The following SNRPN variants were observed in gnomAD, a reference collection of about 807,000 sequenced individuals.
SNRPN encodes the protein small nuclear ribonucleoprotein-associated protein N.
SNRPN carries 7 observed loss-of-function variants against 25.2 expected under a neutral mutation model. The observed-to-expected ratio is 0.28, with a 90% CI of 0.16 to 0.52. The LOEUF (loss-of-function observed/expected upper bound fraction) is 0.52. Among genes scored for constraint, SNRPN ranks in the 20% least tolerant of loss-of-function variants. SNRPN has a pLI of 0.96. For synonymous variants in SNRPN, 124 were observed against 110.6 expected, an observed-to-expected ratio of 1.12 and a Z score of -0.76; for missense variants, 196 against 322.5, an observed-to-expected ratio of 0.61 and a Z score of 3.00.
intron 3 of SNRPN, among the ~76,000 whole-genome samples, chr15:24,923,849 A>C (rs1046468714): frequency 6.9e-6 from 1 of 143,966 alleles, no homozygotes; most frequent in African/African-American, 2.6e-5. Flanking sequence ...CACTGTGATA[A>C]ATTTAGGATT....
intron 2 of SNRPN, among the ~76,000 whole-genome samples, chr15:24,840,905 G>A (rs1258160363): frequency 2.0e-5 from 3 of 152,050 alleles, no homozygotes; most frequent in Non-Finnish European, 4.4e-5. Context: ...GACCTGGTGC[G>A]ATCTTGGCTC....
At chr15:24,922,919 G>GTTTTTTTT (rs2060118953) in intron 3 of SNRPN, among the ~76,000 whole-genome samples, 4 of 111,606 alleles carry the variant, frequency 3.6e-5, no homozygotes, top group Admixed American at 1.2e-4. Context: ...TTTTTTTTGG[G>GTTTTTTTT]AAGACAGAGT....
At chr15:24,852,962 CAG>C (rs747425997), upstream of SNRPN, among the ~76,000 whole-genome samples, 17 of 152,076 alleles carry the variant, frequency 1.1e-4, no homozygotes, top group African/African-American at 2.4e-4. Context: ...GAAAAAATAA[CAG>C]AGAAAAATAA....
At chr15:24,907,197 G>A (rs1193415219) in intron 2 of SNRPN, among the ~76,000 whole-genome samples, 2 of 152,086 alleles carry the variant, frequency 1.3e-5, no homozygotes, top group Non-Finnish European at 2.9e-5. Flanking sequence ...TAAAAGATTC[G>A]CAGCCCAGGA....
At chr15:24,903,649 G>C (rs72693690) in intron 2 of SNRPN, among the ~76,000 whole-genome samples, 1 of 152,094 alleles carries the variant, frequency 6.6e-6, no homozygotes, top group Non-Finnish European at 1.5e-5. Context: ...AAAATAAAAG[G>C]CCATGAAAAA....
At chr15:24,865,244 A>G (rs1193553560) in intron 1 of SNRPN, among the ~76,000 whole-genome samples, 1 of 152,026 alleles carries the variant, frequency 6.6e-6, no homozygotes, top group Non-Finnish European at 1.5e-5. Context: ...ACAGGGTTTC[A>G]CCATGTTGGC....
At chr15:24,877,543 G>A (rs2056047756) in intron 1 of SNRPN, among the ~76,000 whole-genome samples, 1 of 152,144 alleles carries the variant, frequency 6.6e-6, no homozygotes, top group African/African-American at 2.4e-5. Flanking sequence ...ATGCAACCTA[G>A]GCCGGGCGCG....
At chr15:24,969,063 T>C (rs2076060749) in intron 3 of SNRPN, among the ~76,000 whole-genome samples, 1 of 152,198 alleles carries the variant, frequency 6.6e-6, no homozygotes, top group East Asian at 1.9e-4. Flanking sequence ...TTTAAGTCTG[T>C]TTTTGAAGTA....
At chr15:24,923,041 G>A (rs2060129334) in intron 3 of SNRPN, among the ~76,000 whole-genome samples, 1 of 151,924 alleles carries the variant, frequency 6.6e-6, no homozygotes, top group Non-Finnish European at 1.5e-5. Flanking sequence ...ATGTAACTGG[G>A]ACTACAGGCA....
chr15:24,953,311 A>G (rs1311987357), upstream of SNRPN, among the ~76,000 whole-genome samples: 1 of 152,154 alleles, frequency 6.6e-6, no homozygotes, highest in Non-Finnish European at 1.5e-5. Flanking sequence ...AAAACTGAAC[A>G]TACAGTATGC....
chr15:24,848,804 T>C (rs2052507929), intron 2 of SNRPN: 1 of 152,136 alleles, frequency 6.6e-6, no homozygotes, highest in Admixed American at 6.5e-5. Context: ...AAGATCAAAC[T>C]TTCCCCACAG....
At chr15:24,838,053 G>A (rs1394735787) in intron 2 of SNRPN, among the ~76,000 whole-genome samples, 3 of 95,272 alleles carry the variant, frequency 3.1e-5, no homozygotes, top group Non-Finnish European at 6.9e-5. Context: ...TTTTTTTTTT[G>A]AGACGGAGTC....
chr15:24,962,750 T>A (rs2075031042), intron 2 of SNRPN, among the ~76,000 whole-genome samples: 1 of 152,214 alleles, frequency 6.6e-6, no homozygotes, highest in African/African-American at 2.4e-5. Context: ...GAAATTTTAA[T>A]TAAAAATAGG....
At chr15:24,911,106 A>C (rs763661893) in intron 2 of SNRPN, 10 of 1,340,306 alleles carry the variant, frequency 7.5e-6, no homozygotes, top group Non-Finnish European at 1.0e-5. Context: ...GGGATGAAGG[A>C]GATCCTTTGC....
At chr15:24,862,859 T>C (rs28480481) in intron 1 of SNRPN, among the ~76,000 whole-genome samples, 3,919 of 150,218 alleles carry the variant, frequency 0.026, 421 homozygotes, top group African/African-American at 0.094. Flanking sequence ...CTGGCACAGT[T>C]CAGGGCATGA....
chr15:24,827,515 CAAAAAAAAAAA>C (rs58393593), intron 1 of SNRPN, among the ~76,000 whole-genome samples: 4 of 96,770 alleles, frequency 4.1e-5, no homozygotes, highest in Admixed American at 1.2e-4. Context: ...GACTCTGTCT[CAAAAAAAAAAA>C]AAAAAAAAAG....
At chr15:24,895,526 A>C (rs1055903329) in intron 2 of SNRPN, among the ~76,000 whole-genome samples, 1 of 152,076 alleles carries the variant, frequency 6.6e-6, no homozygotes, top group Non-Finnish European at 1.5e-5. Flanking sequence ...GAGAATTGAA[A>C]TTGCCATCAC....
At chr15:24,826,721 A>G (rs943185050) in intron 1 of SNRPN, among the ~76,000 whole-genome samples, 1 of 152,110 alleles carries the variant, frequency 6.6e-6, no homozygotes, top group Non-Finnish European at 1.5e-5. Context: ...TAGGAGTCTC[A>G]GTGGGTGTCA....
chr15:24,903,110 C>T (rs2058574881), intron 2 of SNRPN, among the ~76,000 whole-genome samples: 1 of 152,184 alleles, frequency 6.6e-6, no homozygotes, highest in East Asian at 1.9e-4. Flanking sequence ...CAAGTCCCCA[C>T]CCAACCCAGA....
Sources: gnomAD v4.1 joint callset for allele counts (sites outside exome capture counted in the v4.1 genomes callset) on GRCh38, gnomAD v4.1.1 for gene constraint, MANE v1.5 for transcripts, NCBI Gene and HGNC (gene_info 2026-07-23, HGNC 2026-07-21) for gene names.